The following SLC6A3 variants were observed in gnomAD, a reference collection of about 807,000 sequenced individuals.
SLC6A3 encodes solute carrier family 6 member 3.
SLC6A3 carries 19 observed loss-of-function variants against 70.4 expected under a neutral mutation model. That is an observed-to-expected ratio of 0.27 (90% CI 0.19 to 0.40). The LOEUF is 0.40. Among genes scored for constraint, SLC6A3 ranks in the 10% least tolerant of loss-of-function variants. SLC6A3 has a pLI of 1.00. For missense variants in SLC6A3, 613 were observed against 838.5 expected (o/e 0.73, Z 3.32); for synonymous variants, 368 against 356.6 (o/e 1.03, Z -0.36).
chr5:1,444,369 GAC>G (rs1560929855), intron 1 of SLC6A3, among the ~76,000 whole-genome samples: 2 of 151,840 alleles, frequency 1.3e-5, no homozygotes, highest in Admixed American at 6.6e-5. Context: ...CAGACACACA[GAC>G]ACACACAGAC....
rs1164347581 is a variant in SLC6A3, at chr5:1,411,491, C to A, written c.1157-136G>T. 1.4e-6 allele frequency: 1 copy of A among 723,836 alleles called. No homozygotes were observed. Among genetic ancestry groups the A allele is most frequent in the African/African-American group, 1.7e-5 (1 of 57,454 alleles). The allele number at this position is 723,836 out of a possible 1,614,324, so 44.8% of individuals were successfully genotyped here. ...GGCTGGTGCGGCTCTGCTGAAAAGC[C>A]CCCTTCTATATGTCCAGCAGACCAG... On this transcript the variant is annotated intron_variant, in intron 8 of 14. Transcript: ENST00000270349. This position sits in a 1 kb window ranked among gnomAD's most constrained non-coding sequence, Gnocchi z 6.5.
chr5:1,443,235 C>T lies in SLC6A3; in HGVS notation c.-38G>A, dbSNP rs1733724861. 18 of 1,609,708 alleles carry T rather than the reference C, an allele frequency of 1.1e-5. No homozygotes were observed. Among genetic ancestry groups the T allele is most frequent in the Non-Finnish European group, 1.5e-5 (18 of 1,176,528 alleles). Reference sequence around the variant, plus strand: ...AGTTGAGGAATTCTGTGCTTCTTCCCTCTTGGTCTTCAGCCAATATGAAAA... The same window carrying T: ...AGTTGAGGAATTCTGTGCTTCTTCCTTCTTGGTCTTCAGCCAATATGAAAA... On this transcript the variant is annotated 5_prime_UTR_variant, in exon 2 of 15. Coordinates refer to ENST00000270349, the MANE Select transcript of SLC6A3 (RefSeq NM_001044.5).
Position 1,394,435 on chromosome 5 carries a change from C to T in SLC6A3, c.*300G>A. On this transcript the variant is annotated 3_prime_UTR_variant, in exon 15 of 15. Transcript: ENST00000270349. This position sits in a 1 kb window ranked among gnomAD's most constrained non-coding sequence, Gnocchi z 4.7. ...GAGCAGGGAGCAGGGAGGGAGGGAG[C>T]CTCACACAGACAGCATGAAGTTAGA... 1.8e-6 allele frequency: 1 copy of T among 544,268 alleles called. No individual in the cohort carries two copies. Among genetic ancestry groups the T allele is most frequent in the Non-Finnish European group, 3.3e-6 (1 of 301,874 alleles). 33.7% of individuals were successfully genotyped at this position (544,268 alleles called of 1,614,324 possible).
chr5:1,423,720 G>A (rs987507045), intron 4 of SLC6A3, among the ~76,000 whole-genome samples: 4 of 152,222 alleles, frequency 2.6e-5, no homozygotes, highest in African/African-American at 9.6e-5. Context: ...GACACTCTCT[G>A]TGGGAGAACA....
At chr5:1,444,187 G>A (rs1034653179) in intron 1 of SLC6A3, among the ~76,000 whole-genome samples, 1 of 152,186 alleles carries the variant, frequency 6.6e-6, no homozygotes, top group Non-Finnish European at 1.5e-5. Flanking sequence ...GCTTCATCGC[G>A]GGAACTAGCT....
chr5:1,431,107 C>A (rs1257008316), intron 4 of SLC6A3, among the ~76,000 whole-genome samples: 1 of 152,242 alleles, frequency 6.6e-6, no homozygotes, highest in Non-Finnish European at 1.5e-5. Flanking sequence ...GTCGAAGAGT[C>A]CGCCTGTCAG....
At chr5:1,440,084 G>A (rs1453534361) in intron 3 of SLC6A3, among the ~76,000 whole-genome samples, 1 of 152,190 alleles carries the variant, frequency 6.6e-6, no homozygotes, top group Non-Finnish European at 1.5e-5. Context: ...CAGGACATCA[G>A]CAGCCGGAAA....
intron 4 of SLC6A3, among the ~76,000 whole-genome samples, chr5:1,422,396 G>A (rs2963250): frequency 0.011 from 1,255 of 114,302 alleles, 84 homozygotes; most frequent in African/African-American, 0.044. Context: ...GGTGCTGGGT[G>A]CCCACCGCTG....
Position 1,409,074 on chromosome 5 carries a change from T to C in SLC6A3, c.1450A>G (p.Ile484Val). 1.2e-6 allele frequency: 2 copies of C among 1,613,108 alleles called. No homozygotes were observed. Among genetic ancestry groups the C allele is most frequent in the Non-Finnish European group, 1.7e-6 (2 of 1,179,912 alleles). The change falls in exon 11 of 15, where the codon ATC becomes GTC. Residue 484 changes from isoleucine (I) to valine (V), a missense_variant. Physicochemically the swap from Ile to Val is conservative, Grantham distance 29. This residue lies in a region of SLC6A3 where 348 missense variants were observed against 481.2 expected (regional missense o/e 0.72). Coordinates refer to ENST00000270349, the MANE Select transcript of SLC6A3 (RefSeq NM_001044.5). ...GCTTCGATGAGCACTCCAAAGAGGATGGACGTGCCGGCTGCAAAATGGTCC... is the reference window on the plus strand; with the variant it reads ...GCTTCGATGAGCACTCCAAAGAGGACGGACGTGCCGGCTGCAAAATGGTCC... ...LLDHFAAGTS[I>V]LFGVLIEAIG...
At position 1,408,035 on chromosome 5, in the gene SLC6A3, CTG is replaced by C. The variant is rs551857306; in HGVS notation, c.1498+989_1498+990del. Among the ~76,000 whole-genome samples the C allele has an allele frequency of 3.3e-5, 5 of 151,956 alleles. No individual in the cohort carries two copies. The highest frequency in any genetic ancestry group is 2.0e-4 in the Admixed American group (3 of 15,270). ...TTCTTTTTTGAGACGGAGTCTCACTCTGTTGCCCAGGCTGGAGTGCAGTGGTG... is the reference window on the plus strand; with the variant it reads ...TTCTTTTTTGAGACGGAGTCTCACTCTTGCCCAGGCTGGAGTGCAGTGGTG... On this transcript the variant is annotated intron_variant, in intron 11 of 14. Transcript: ENST00000270349. This position sits in a 1 kb window ranked among gnomAD's most constrained non-coding sequence, Gnocchi z 6.4.
chr5:1,412,029 TACACAA>T (rs756457107), intron 8 of SLC6A3, among the ~76,000 whole-genome samples: 1 of 152,240 alleles, frequency 6.6e-6, no homozygotes, highest in Non-Finnish European at 1.5e-5. Context: ...TGCACAAACA[TACACAA>T]ACACACACAA....
rs1755990547 is a variant in SLC6A3, at chr5:1,406,728, C to G, written c.1499-440G>C. 6.7e-6 allele frequency among the ~76,000 whole-genome samples: 1 copy of G among 149,470 alleles called. No individual in the cohort carries two copies. Among genetic ancestry groups the G allele is most frequent in the African/African-American group, 2.4e-5 (1 of 41,194 alleles). On this transcript the variant is annotated intron_variant, in intron 11 of 14. Transcript: ENST00000270349. This position sits in a 1 kb window ranked among gnomAD's most constrained non-coding sequence, Gnocchi z 8.8. ...TCAATACATTCACATACTGTGTAAC[C>G]GTCACCACCGTCCATCTTCAGAACT...
intron 4 of SLC6A3, among the ~76,000 whole-genome samples, chr5:1,425,711 A>G (rs781101826): frequency 2.6e-5 from 4 of 152,240 alleles, no homozygotes; most frequent in Non-Finnish European, 5.9e-5. Context: ...CTATCAACAG[A>G]GTAAAAAGGA....
chr5:1,420,839 C>T lies in SLC6A3; in HGVS notation c.793-136G>A, dbSNP rs189932927. 6.4e-4 allele frequency: 570 copies of T among 895,134 alleles called. 3 individuals carry two copies. In the African/African-American group the frequency reaches 8.1e-3, roughly 13 times the overall value. The allele number at this position is 895,134 out of a possible 1,614,324, so 55.4% of individuals were successfully genotyped here. ...CCCAATTCCCAAACATTTCCTGGGACGCCAGCTCAGCAAATGCTCCTTGGA... is the reference window on the plus strand; with the variant it reads ...CCCAATTCCCAAACATTTCCTGGGATGCCAGCTCAGCAAATGCTCCTTGGA... On this transcript the variant is annotated intron_variant, in intron 5 of 14. Coordinates refer to ENST00000270349, the MANE Select transcript of SLC6A3 (RefSeq NM_001044.5).
chr5:1,436,371 T>C lies in SLC6A3; in HGVS notation c.419-3673A>G, dbSNP rs1756836067. Among the ~76,000 whole-genome samples the C allele has an allele frequency of 6.6e-6, 1 of 152,136 alleles. No individual in the cohort carries two copies. The highest frequency in any genetic ancestry group is 2.1e-4 in the South Asian group (1 of 4,822). On this transcript the variant is annotated intron_variant, in intron 3 of 14. Coordinates refer to ENST00000270349, the MANE Select transcript of SLC6A3 (RefSeq NM_001044.5). The surrounding 1 kb of genome is among the most constrained non-coding windows in gnomAD (Gnocchi z 5.2). Reference sequence around the variant, plus strand: ...ATGAAGCTTCACCTGACACATTTCTTAAACACCATTTAGTGACACGGGAGA... The same window carrying C: ...ATGAAGCTTCACCTGACACATTTCTCAAACACCATTTAGTGACACGGGAGA...
chr5:1,437,257 AAAAAAAAAAG>A lies in SLC6A3; in HGVS notation c.418+4092_418+4101del, dbSNP rs1311845443. On this transcript the variant is annotated intron_variant, in intron 3 of 14. Coordinates refer to ENST00000270349, the MANE Select transcript of SLC6A3 (RefSeq NM_001044.5). The surrounding 1 kb of genome is among the most constrained non-coding windows in gnomAD (Gnocchi z 4.8). ...AGAGCGAGATTCCGTCTCACAAAAA[AAAAAAAAAAG>A]AAAAGAAAAGAAAAGAAAGAGGGGA... Among the ~76,000 whole-genome samples the A allele has an allele frequency of 6.6e-6, 1 of 151,654 alleles. No individual in the cohort carries two copies. Among genetic ancestry groups the A allele is most frequent in the Admixed American group, 6.6e-5 (1 of 15,236 alleles).
chr5:1,418,261 C>G (rs1027447633), intron 6 of SLC6A3, among the ~76,000 whole-genome samples: 4 of 152,090 alleles, frequency 2.6e-5, no homozygotes, highest in Non-Finnish European at 5.9e-5. Context: ...AGTGCCACAC[C>G]AGAGCCAGTG....
chr5:1,430,225 C>T (rs1756663582), intron 4 of SLC6A3, among the ~76,000 whole-genome samples: 1 of 152,140 alleles, frequency 6.6e-6, no homozygotes, highest in Non-Finnish European at 1.5e-5. Flanking sequence ...CTTGGTGGGC[C>T]ACTCTCTCCC....
chr5:1,396,175 C>T lies in SLC6A3; in HGVS notation c.1840-1417G>A, dbSNP rs1025602039. On this transcript the variant is annotated intron_variant, in intron 14 of 14. Transcript: ENST00000270349. The surrounding 1 kb of genome is among the most constrained non-coding windows in gnomAD (Gnocchi z 7.0). ...AGACCAGGGGCAGGGCAGTGGAATG[C>T]GGAGCGTCCATAGCTGAGCTGTGGT... 3.3e-5 allele frequency among the ~76,000 whole-genome samples: 5 copies of T among 152,192 alleles called. No individual in the cohort carries two copies. In the East Asian group the frequency reaches 5.8e-4, roughly 18 times the overall value.
Sources: allele counts gnomAD v4.1 joint callset (sites outside exome capture counted in the v4.1 genomes callset), GRCh38; gene constraint gnomAD v4.1.1; regional missense constraint gnomAD v4.1.1; non-coding constraint Gnocchi (gnomAD v3.1); transcripts MANE v1.5; gene names NCBI Gene and HGNC (gene_info 2026-07-23, HGNC 2026-07-21).